The following TMED3 variants were observed in gnomAD, a reference collection of about 807,000 sequenced individuals.
TMED3 encodes the protein transmembrane emp24 domain-containing protein 3.
In TMED3, 9 loss-of-function variants were observed where a neutral mutation model predicts 15.0. The observed-to-expected ratio is 0.60, with a 90% CI of 0.36 to 1.04. TMED3 has a LOEUF of 1.04. Ranked by LOEUF, TMED3 falls within the 50% of genes least tolerant of loss-of-function variation. The pLI is 0.01. For synonymous variants in TMED3, 117 were observed against 121.4 expected (o/e 0.96, Z 0.24); for missense variants, 267 against 278.9 (o/e 0.96, Z 0.30).
At chr15:79,376,094 T>G (rs959925141) in intron 2 of TMED3, among the ~76,000 whole-genome samples, 1 of 2,502 alleles carries the variant, frequency 4.0e-4, no homozygotes, top group African/African-American at 5.3e-4. Context: ...AGAGAAAGGT[T>G]TTTTTTTTTT....
chr15:79,323,001 C>G, downstream of TMED3: 1 of 688,970 alleles, frequency 1.5e-6, no homozygotes, highest in Non-Finnish European at 1.8e-6. Context: ...TGACTCCTCC[C>G]AGGTGACTGA....
intron 2 of TMED3, among the ~76,000 whole-genome samples, chr15:79,330,311 A>G (rs1037391898): frequency 1.3e-5 from 2 of 152,278 alleles, no homozygotes; most frequent in Admixed American, 6.5e-5. Flanking sequence ...CCAGAAAACT[A>G]TTAAAATTGA....
intron 2 of TMED3, among the ~76,000 whole-genome samples, chr15:79,397,145 T>C (rs947267093): frequency 6.6e-6 from 1 of 152,224 alleles, no homozygotes; most frequent in Non-Finnish European, 1.5e-5. Flanking sequence ...CACTCATTTC[T>C]TTTTTACATT....
At position 79,359,294 on chromosome 15, in the gene TMED3, G is replaced by A. The variant is rs895824033; in HGVS notation, c.417+45289G>A. On this transcript the variant is annotated intron_variant, in intron 2 of 2. Transcript: ENST00000424155. ...ATTGCCCAGGCTGGAGTGCAGTGGC[G>A]CAATCTCAGCTCACTGCAACCTCCG... Among the ~76,000 whole-genome samples the A allele has an allele frequency of 2.0e-4, 30 of 146,464 alleles. 1 individual carries two copies. Among genetic ancestry groups the A allele is most frequent in the African/African-American group, 6.3e-4 (25 of 39,542 alleles).
chr15:79,399,098 A>G (rs920765456), intron 2 of TMED3, among the ~76,000 whole-genome samples: 1 of 152,066 alleles, frequency 6.6e-6, no homozygotes, highest in African/African-American at 2.4e-5. Flanking sequence ...TTTAGTAGAG[A>G]TGGGGTTTCA....
intron 2 of TMED3, among the ~76,000 whole-genome samples, chr15:79,408,554 A>G (rs1052693173): frequency 2.1e-4 from 32 of 152,334 alleles, no homozygotes; most frequent in Admixed American, 3.9e-4. Context: ...GGGATGCCTA[A>G]ATGTGAGTGA....
intron 2 of TMED3, among the ~76,000 whole-genome samples, chr15:79,337,986 A>G (rs989010027): frequency 6.6e-6 from 1 of 152,258 alleles, no homozygotes; most frequent in Non-Finnish European, 1.5e-5. Flanking sequence ...ATAGCTCCCA[A>G]TAAAGCAACA....
At chr15:79,367,734 G>A (rs1306921540) in intron 2 of TMED3, among the ~76,000 whole-genome samples, 1 of 152,164 alleles carries the variant, frequency 6.6e-6, no homozygotes, top group Non-Finnish European at 1.5e-5. Flanking sequence ...GTAAATTTCA[G>A]AAAAGTAGAA....
At chr15:79,401,102 C>T (rs922938662) in intron 2 of TMED3, among the ~76,000 whole-genome samples, 1 of 152,150 alleles carries the variant, frequency 6.6e-6, no homozygotes, top group Non-Finnish European at 1.5e-5. Context: ...TACTATGCGC[C>T]TTAGGATTTT....
chr15:79,371,790 T>C (rs980952230), intron 2 of TMED3, among the ~76,000 whole-genome samples: 1 of 152,156 alleles, frequency 6.6e-6, no homozygotes, highest in Non-Finnish European at 1.5e-5. Flanking sequence ...ATAGGAGTAG[T>C]TGGGGAAGTT....
At chr15:79,373,693 C>G (rs1262126169) in intron 2 of TMED3, among the ~76,000 whole-genome samples, 1 of 152,196 alleles carries the variant, frequency 6.6e-6, no homozygotes, top group Non-Finnish European at 1.5e-5. Context: ...GAGGCACAGT[C>G]TTAAGAGGTC....
intron 2 of TMED3, among the ~76,000 whole-genome samples, chr15:79,371,448 C>T (rs1487500643): frequency 6.6e-6 from 1 of 152,132 alleles, no homozygotes; most frequent in East Asian, 1.9e-4. Context: ...AACCAATTCA[C>T]TGAAAACAGT....
At chr15:79,397,931 T>A (rs12591700) in intron 2 of TMED3, among the ~76,000 whole-genome samples, 69,534 of 152,080 alleles carry the variant, frequency 0.46, 16,854 homozygotes, top group Middle Eastern at 0.62. Context: ...CTGACTATCA[T>A]CATCCTGCAC....
In TMED3 at chr15:79,336,046, G is replaced by A. The variant is rs527783276; in HGVS notation, c.417+22041G>A. 1.9e-3 allele frequency among the ~76,000 whole-genome samples: 286 copies of A among 152,284 alleles called. 4 individuals carry two copies. Among genetic ancestry groups the A allele is most frequent in the African/African-American group, 6.5e-3 (268 of 41,542 alleles). Reference sequence around the variant, plus strand: ...TAAGGAAAATAAGGAAAGCCATTTGGTCATCTCAAGAGGCCCTGAAAACTA... The same window carrying A: ...TAAGGAAAATAAGGAAAGCCATTTGATCATCTCAAGAGGCCCTGAAAACTA... On this transcript the variant is annotated intron_variant, in intron 2 of 2. Coordinates refer to the TMED3 transcript ENST00000424155.
At chr15:79,365,081 T>A (rs889124044) in intron 2 of TMED3, among the ~76,000 whole-genome samples, 1 of 152,110 alleles carries the variant, frequency 6.6e-6, no homozygotes, top group African/African-American at 2.4e-5. Context: ...CCCTCAGGGG[T>A]TTGAGCAGCG....
chr15:79,359,236 T>G (rs1893077097), intron 2 of TMED3, among the ~76,000 whole-genome samples: 1 of 149,496 alleles, frequency 6.7e-6, no homozygotes, highest in Non-Finnish European at 1.5e-5. Flanking sequence ...CTCAGTTTTT[T>G]TTTTTTTTTT....
intron 2 of TMED3, among the ~76,000 whole-genome samples, chr15:79,399,284 C>T (rs1012217187): frequency 6.6e-6 from 1 of 152,124 alleles, no homozygotes; most frequent in Non-Finnish European, 1.5e-5. Flanking sequence ...CTGAGCTCCC[C>T]AAGGCCCACT....
chr15:79,383,702 GA>G (rs1161688590), intron 2 of TMED3: 1 of 152,246 alleles, frequency 6.6e-6, no homozygotes, highest in Non-Finnish European at 1.5e-5. Context: ...GCCACCATAC[GA>G]CTGACTTTGA....
rs1426678383 is a variant in TMED3, at chr15:79,391,975, T to G, written c.418-19425T>G. ...TTTCAGTTTAAGTTTATGTTTGTCC[T>G]TATGTGTTAGGTGTGTCTCTTGAAG... is the stretch of plus-strand genomic sequence containing the variant. On this transcript the variant is annotated intron_variant, in intron 2 of 2. Coordinates refer to the TMED3 transcript ENST00000424155. Among the ~76,000 whole-genome samples the G allele has an allele frequency of 5.3e-5, 8 of 152,314 alleles. No homozygotes were observed. In the East Asian group the frequency reaches 1.5e-3, roughly 29 times the overall value.
Sources: allele counts gnomAD v4.1 joint callset (sites outside exome capture counted in the v4.1 genomes callset), GRCh38; gene constraint gnomAD v4.1.1; transcripts MANE v1.5; gene names NCBI Gene and HGNC (gene_info 2026-07-23, HGNC 2026-07-21).